PCDH15: variants seen among roughly 807,000 people sequenced by gnomAD.
PCDH15 encodes the protein protocadherin-15.
Under a neutral mutation model 178.5 loss-of-function variants are expected in PCDH15, and 129 were observed. The observed-to-expected ratio is 0.72, with a 90% CI of 0.63 to 0.84. The LOEUF (loss-of-function observed/expected upper bound fraction) is 0.84. PCDH15 is among the 40% of genes least tolerant of loss of function. The pLI is 0.00. For missense variants in PCDH15, 2,230 were observed against 2,099.9 expected (o/e 1.06, Z -1.21); for synonymous variants, 800 against 732.0 (o/e 1.09, Z -1.50).
intron 2 of PCDH15, among the ~76,000 whole-genome samples, chr10:55,336,511 A>AATAC (rs997848422): frequency 5.3e-5 from 8 of 152,080 alleles, no homozygotes; most frequent in African/African-American, 1.9e-4. Flanking sequence ...TAAATAAATA[A>AATAC]ATAAACAAAT....
At chr10:54,661,377 A>G (rs2094488307) in intron 2 of PCDH15, among the ~76,000 whole-genome samples, 1 of 152,044 alleles carries the variant, frequency 6.6e-6, no homozygotes, top group Non-Finnish European at 1.5e-5. Context: ...CAAGAACTAT[A>G]AAACACTGCT....
intron 1 of PCDH15, among the ~76,000 whole-genome samples, chr10:55,226,960 A>G (rs1179033933): frequency 1.3e-5 from 2 of 152,050 alleles, no homozygotes; most frequent in African/African-American, 4.8e-5. Context: ...GAAATGATGG[A>G]CAAGAGATTA....
intron 8 of PCDH15, among the ~76,000 whole-genome samples, chr10:54,270,019 T>A (rs1375443234): frequency 6.6e-6 from 1 of 152,102 alleles, no homozygotes; most frequent in Non-Finnish European, 1.5e-5. Context: ...TTGGAAGTAT[T>A]CATTTATCTT....
At chr10:55,363,092 A>G (rs1845268711) in intron 2 of PCDH15, among the ~76,000 whole-genome samples, 1 of 152,198 alleles carries the variant, frequency 6.6e-6, no homozygotes, top group South Asian at 2.1e-4. Flanking sequence ...GGGTTAAAGA[A>G]CTGGAGTCAT....
chr10:53,967,238 A>G (rs1352153417), intron 21 of PCDH15, among the ~76,000 whole-genome samples: 1 of 152,084 alleles, frequency 6.6e-6, no homozygotes, highest in Non-Finnish European at 1.5e-5. Flanking sequence ...TGCTGCTGCC[A>G]TGTGAAGAAG....
chr10:55,547,654 T>C (rs1325515898), intron 2 of PCDH15, among the ~76,000 whole-genome samples: 1 of 152,104 alleles, frequency 6.6e-6, no homozygotes, highest in Non-Finnish European at 1.5e-5. Flanking sequence ...AGTAGCCTAA[T>C]TTTCCTCACT....
chr10:53,835,914 T>G (rs1334686880), intron 29 of PCDH15, among the ~76,000 whole-genome samples: 1 of 152,144 alleles, frequency 6.6e-6, no homozygotes, highest in Admixed American at 6.5e-5. Context: ...AGAATATTCC[T>G]TCATGGTGTA....
chr10:54,995,390 T>TTAAAA (rs772779986), intron 2 of PCDH15, among the ~76,000 whole-genome samples: 1 of 13,096 alleles, frequency 7.6e-5, no homozygotes, highest in Non-Finnish European at 1.4e-4. Flanking sequence ...AGACTCCGTC[T>TTAAAA]CAAAAAAAAA....
intron 2 of PCDH15, among the ~76,000 whole-genome samples, chr10:54,582,657 A>T (rs2133812201): frequency 6.6e-6 from 1 of 152,272 alleles, no homozygotes; most frequent in African/African-American, 2.4e-5. Flanking sequence ...TCACTCCCGT[A>T]ATCACAACAC....
intron 1 of PCDH15, among the ~76,000 whole-genome samples, chr10:55,288,183 G>C (rs1398391050): frequency 6.6e-6 from 1 of 150,388 alleles, no homozygotes; most frequent in East Asian, 1.9e-4. Flanking sequence ...CCCAGGTATA[G>C]AGTAACGGCA....
At chr10:54,360,046 A>G (rs1158961317) in intron 5 of PCDH15, among the ~76,000 whole-genome samples, 2 of 152,112 alleles carry the variant, frequency 1.3e-5, no homozygotes, top group Non-Finnish European at 2.9e-5. Flanking sequence ...TTTTCGTCTG[A>G]ATAAACCTAG....
chr10:53,914,263 G>A (rs2083366573), intron 25 of PCDH15, among the ~76,000 whole-genome samples: 1 of 152,086 alleles, frequency 6.6e-6, no homozygotes, highest in Admixed American at 6.6e-5. Flanking sequence ...CCCATCACTG[G>A]ATATATACCC....
chr10:54,130,899 A>C (rs549094931), intron 15 of PCDH15, among the ~76,000 whole-genome samples: 1 of 152,260 alleles, frequency 6.6e-6, no homozygotes, highest in South Asian at 2.1e-4. Flanking sequence ...TCACTAGTTT[A>C]AATGTAGTCT....
chr10:54,560,975 C>A (rs563832377), intron 2 of PCDH15, among the ~76,000 whole-genome samples: 1 of 152,140 alleles, frequency 6.6e-6, no homozygotes, highest in Admixed American at 6.5e-5. Context: ...TTTGAATAAG[C>A]ATCTGTGTAA....
At chr10:54,993,793 T>G (rs1839570980) in intron 2 of PCDH15, among the ~76,000 whole-genome samples, 1 of 152,114 alleles carries the variant, frequency 6.6e-6, no homozygotes, top group African/African-American at 2.4e-5. Context: ...AAATCTACAG[T>G]GAAAATATAT....
intron 1 of PCDH15, among the ~76,000 whole-genome samples, chr10:54,798,138 C>G (rs540455858): frequency 1.3e-4 from 20 of 151,754 alleles, no homozygotes; most frequent in Non-Finnish European, 2.4e-4. Context: ...ATTTCTATGG[C>G]GACTCTATCA....
At chr10:55,593,179 G>A (rs138653525) in intron 2 of PCDH15, among the ~76,000 whole-genome samples, 241 of 151,930 alleles carry the variant, frequency 1.6e-3, no homozygotes, top group African/African-American at 5.5e-3. Flanking sequence ...TTCAAAATAC[G>A]TATAAAAGAA....
chr10:54,508,309 A>ATAAC (rs1397414958), intron 3 of PCDH15, among the ~76,000 whole-genome samples: 1 of 152,082 alleles, frequency 6.6e-6, no homozygotes, highest in East Asian at 1.9e-4. Context: ...CAGCATGGTT[A>ATAAC]AGGGCAATGC....
chr10:54,232,578 A>G (rs2054183092), intron 9 of PCDH15, among the ~76,000 whole-genome samples: 4 of 152,178 alleles, frequency 2.6e-5, no homozygotes, highest in African/African-American at 9.7e-5. Context: ...TTAAAAGTCT[A>G]CCCCAATTTT....
Sources: gnomAD v4.1 joint callset for allele counts (sites outside exome capture counted in the v4.1 genomes callset) on GRCh38, gnomAD v4.1.1 for gene constraint, MANE v1.5 for transcripts, NCBI Gene and HGNC (gene_info 2026-07-23, HGNC 2026-07-21) for gene names.